Variants in DUSP16 observed in about 807,000 individuals in gnomAD.
DUSP16 encodes the protein dual specificity phosphatase 16.
In DUSP16, 21 loss-of-function variants were observed where a neutral mutation model predicts 58.3. That is an observed-to-expected ratio of 0.36 (90% CI 0.26 to 0.52). The LOEUF is 0.52. Ranked by LOEUF, DUSP16 falls within the 20% of genes least tolerant of loss-of-function variation. The pLI is 0.94. For synonymous variants in DUSP16, 320 were observed against 323.8 expected (o/e 0.99, Z 0.12); for missense variants, 726 against 819.0 (o/e 0.89, Z 1.39).
rs1234254500 is a variant in DUSP16 at position 12,500,571 on chromosome 12, GT to G, written c.478del (p.Thr160ProfsTer20). The G allele has an allele frequency of 6.2e-7, 1 of 1,612,012 alleles. No homozygotes were observed. Among genetic ancestry groups the G allele is most frequent in the Non-Finnish European group, 8.5e-7 (1 of 1,179,248 alleles). ...AAGATAAAGATTGGGAAGAATTCGG[GT>G]TGGCCCAATGTTGGCAACAGGTAAG... The part of the protein sequence containing the change: ...PCLPVANIGP[T>X]RILPNLYLGC... On this transcript the variant is annotated frameshift_variant, in exon 4 of 7. Coordinates refer to ENST00000298573, the MANE Select transcript of DUSP16 (RefSeq NM_030640.3). LOFTEE classifies it high-confidence loss of function.
chr12:12,557,151 T>TA (rs201360087), intron 1 of DUSP16, among the ~76,000 whole-genome samples: 23 of 149,442 alleles, frequency 1.5e-4, no homozygotes, highest in East Asian at 5.8e-4. Flanking sequence ...AACAAGGCAT[T>TA]AAAAAAAAAA....
At chr12:12,518,792 A>G (rs920008664) in intron 3 of DUSP16, among the ~76,000 whole-genome samples, 1 of 152,218 alleles carries the variant, frequency 6.6e-6, no homozygotes, top group Non-Finnish European at 1.5e-5. Context: ...ACTAATTGAA[A>G]GATCAGACGG....
At chr12:12,515,781 T>C (rs1234874003) in intron 3 of DUSP16, among the ~76,000 whole-genome samples, 3 of 152,066 alleles carry the variant, frequency 2.0e-5, no homozygotes, top group Admixed American at 2.0e-4. Flanking sequence ...TAGAGAACTT[T>C]TTTTTTCTTT....
In DUSP16 at chr12:12,477,450, CA is replaced by C; in HGVS notation, c.1380del (p.Asp461IlefsTer93). 6.2e-7 allele frequency: 1 copy of C among 1,603,476 alleles called. No individual in the cohort carries two copies. On this transcript the variant is annotated frameshift_variant, in exon 7 of 7. Coordinates refer to ENST00000298573, the MANE Select transcript of DUSP16 (RefSeq NM_030640.3). LOFTEE classifies it high-confidence loss of function. This position sits in a 1 kb window ranked among gnomAD's most constrained non-coding sequence, Gnocchi z 4.1. ...ELSEQTPETS[P>X]DKEEASIPKK... is the part of the protein sequence containing the mutation. Reference sequence around the variant, plus strand: ...TTGGGGATGCTGGCTTCCTCCTTATCAGGACTGGTTTCGGGAGTCTGCTCCG... The same window carrying C: ...TTGGGGATGCTGGCTTCCTCCTTATCGGACTGGTTTCGGGAGTCTGCTCCG...
intron 1 of DUSP16, among the ~76,000 whole-genome samples, chr12:12,539,320 CACA>C (rs1199975323): frequency 1.3e-5 from 2 of 152,138 alleles, no homozygotes; most frequent in Non-Finnish European, 2.9e-5. Flanking sequence ...AATAAAGGAG[CACA>C]ACAATTCACT....
At position 12,473,466 on chromosome 12, in the gene DUSP16, C is replaced by G. The variant is rs569511843; in HGVS notation, c.*3367G>C. Among the ~76,000 whole-genome samples the G allele has an allele frequency of 3.6e-3, 543 of 152,348 alleles. 1 individual carries two copies. The highest frequency in any genetic ancestry group is 0.031 in the Middle Eastern group (9 of 294). On this transcript the variant is annotated 3_prime_UTR_variant, in exon 7 of 7. Transcript: ENST00000298573. ...AAACAACTGTTCCTCCTGTTACCCT[C>G]TATCTCTGGAGGCTGATTTATTCTA... is the stretch of plus-strand genomic sequence containing the variant.
intron 1 of DUSP16, among the ~76,000 whole-genome samples, chr12:12,561,503 A>C (rs916918117): frequency 6.6e-6 from 1 of 152,170 alleles, no homozygotes; most frequent in African/African-American, 2.4e-5. Context: ...CACGTTTTGC[A>C]GCTAGTGTAA....
chr12:12,477,004 C>G lies in DUSP16; in HGVS notation c.1827G>C (p.Ser609=). The change falls in exon 7 of 7, where the codon TCG becomes TCC. Residue 609 remains serine (S), a synonymous_variant. Transcript: ENST00000298573. The surrounding 1 kb of genome is among the most constrained non-coding windows in gnomAD (Gnocchi z 4.1). ...RRQKPSDRAD[S]RRSWHEESPF... is the part of the protein sequence containing the mutation. ...GGCTCTCTTCATGCCAGCTCCGCCG[C>G]GAGTCAGCTCTGTCACTTGGCTTCT... is the stretch of plus-strand genomic sequence containing the variant. 1 of 1,614,220 alleles carries G rather than the reference C, an allele frequency of 6.2e-7. No homozygotes were observed. Among genetic ancestry groups the G allele is most frequent in the Non-Finnish European group, 8.5e-7 (1 of 1,180,046 alleles).
At chr12:12,491,161 T>TC (rs1943755300) in intron 4 of DUSP16, 2 of 87,062 alleles carry the variant, frequency 2.3e-5, no homozygotes, top group South Asian at 1.3e-3. Flanking sequence ...TTGATTTTTT[T>TC]AATTTTTTTT....
intron 1 of DUSP16, among the ~76,000 whole-genome samples, chr12:12,558,850 T>C (rs573479283): frequency 6.6e-6 from 1 of 152,356 alleles, no homozygotes; most frequent in Non-Finnish European, 1.5e-5. Flanking sequence ...AGATGTATTC[T>C]GTTCCCTTCC....
At chr12:12,481,000 T>C (rs565313981) in intron 5 of DUSP16, among the ~76,000 whole-genome samples, 21 of 152,250 alleles carry the variant, frequency 1.4e-4, no homozygotes, top group African/African-American at 5.1e-4. Context: ...ATTACAGGAG[T>C]GAGCCACTGC....
Position 12,477,469 on chromosome 12 carries a change from C to G in DUSP16, c.1362G>C (p.Gln454His), listed in dbSNP as rs768334806. 5.6e-6 allele frequency: 9 copies of G among 1,598,278 alleles called. No individual in the cohort carries two copies. Among genetic ancestry groups the G allele is most frequent in the Admixed American group, 1.7e-5 (1 of 58,766 alleles). Residue 454 changes from glutamine (Q) to histidine (H), a missense_variant, in exon 7 of 7, where the codon CAG becomes CAC. Physicochemically the swap from Gln to His is conservative, Grantham distance 24. Coordinates refer to ENST00000298573, the MANE Select transcript of DUSP16 (RefSeq NM_030640.3). This position sits in a 1 kb window ranked among gnomAD's most constrained non-coding sequence, Gnocchi z 4.1. The stretch of plus-strand genomic sequence containing the variant: ...CCTTATCAGGACTGGTTTCGGGAGT[C>G]TGCTCCGATAGTTCCTGAACAGGGG... ...QFSPVQELSE[Q>H]TPETSPDKEE...
At chr12:12,561,100 G>T (rs530158552) in intron 1 of DUSP16, 1 of 152,176 alleles carries the variant, frequency 6.6e-6, no homozygotes, top group East Asian at 1.9e-4. Flanking sequence ...CAGAGCGCTG[G>T]GTAAATAAAA....
At chr12:12,513,347 A>G (rs1944104995) in intron 3 of DUSP16, among the ~76,000 whole-genome samples, 1 of 152,218 alleles carries the variant, frequency 6.6e-6, no homozygotes, top group Admixed American at 6.5e-5. Flanking sequence ...TATATTCTAT[A>G]AAGTATGAAG....
chr12:12,556,700 T>C (rs1024714820), intron 1 of DUSP16, among the ~76,000 whole-genome samples: 6 of 152,214 alleles, frequency 3.9e-5, no homozygotes, highest in African/African-American at 9.6e-5. Context: ...CAGTTTTTAG[T>C]TGACCACTAT....
intron 5 of DUSP16, 135 bp from the exon 6 acceptor site, chr12:12,480,481 C>T: frequency 9.8e-7 from 1 of 1,020,830 alleles, no homozygotes; most frequent in Non-Finnish European, 1.4e-6. Flanking sequence ...TCATATTTAT[C>T]CTCGCAATAT....
chr12:12,515,838 C>T (rs188934337), intron 3 of DUSP16, among the ~76,000 whole-genome samples: 122 of 152,028 alleles, frequency 8.0e-4, no homozygotes, highest in Non-Finnish European at 1.1e-3. Flanking sequence ...TGCAGTGATG[C>T]GATCTTGGCT....
intron 5 of DUSP16, among the ~76,000 whole-genome samples, chr12:12,482,141 T>C (rs1249992959): frequency 1.3e-5 from 2 of 152,214 alleles, no homozygotes; most frequent in Non-Finnish European, 2.9e-5. Flanking sequence ...ATTTTAATAA[T>C]TATCTATCTC....
At chr12:12,530,349 A>C (rs959867826) in intron 1 of DUSP16, among the ~76,000 whole-genome samples, 1 of 152,138 alleles carries the variant, frequency 6.6e-6, no homozygotes, top group Non-Finnish European at 1.5e-5. Context: ...TTTTCAACCA[A>C]GTTACTTGCT....
Sources: allele counts gnomAD v4.1 joint callset (sites outside exome capture counted in the v4.1 genomes callset), GRCh38; gene constraint gnomAD v4.1.1; non-coding constraint Gnocchi (gnomAD v3.1); transcripts MANE v1.5; gene names NCBI Gene and HGNC (gene_info 2026-07-23, HGNC 2026-07-21).